The following PARP11 variants were observed in gnomAD, a reference collection of about 807,000 sequenced individuals.
PARP11 encodes the protein poly(ADP-ribose) polymerase family member 11.
PARP11 carries 31 observed loss-of-function variants against 42.9 expected under a neutral mutation model. That is an observed-to-expected ratio of 0.72 (90% CI 0.54 to 0.98). The LOEUF (loss-of-function observed/expected upper bound fraction) is 0.98, where lower values mean the gene tolerates loss of function less well. Ranked by LOEUF, PARP11 falls within the 50% of genes least tolerant of loss-of-function variation. The pLI, the probability that PARP11 is intolerant of heterozygous loss-of-function variation, is 0.00. For synonymous variants in PARP11, 137 were observed against 127.3 expected (o/e 1.08, Z -0.51); for missense variants, 365 against 413.1 (o/e 0.88, Z 1.01).
At chr12:3,826,052 A>G (rs1947514458) in intron 4 of PARP11, 106 bp downstream of exon 4, 2 of 673,356 alleles carry the variant, frequency 3.0e-6, no homozygotes, top group Non-Finnish European at 2.5e-6. Context: ...TTAAAAGATC[A>G]ATATTATTAA....
At position 3,816,250 on chromosome 12, in the gene PARP11, C is replaced by T. The variant is rs1462627293; in HGVS notation, c.549-2062G>A. The stretch of plus-strand genomic sequence containing the variant: ...GTTTTTACCCACTGTTTCAATCTTC[C>T]AAGGTCTTTCTGACTGCTGATTCAC... On this transcript the variant is annotated intron_variant, in intron 6 of 7. Transcript: ENST00000228820. Among the ~76,000 whole-genome samples the T allele has an allele frequency of 3.9e-5, 6 of 152,170 alleles. No individual in the cohort carries two copies. In the East Asian group the frequency reaches 1.2e-3, roughly 29 times the overall value.
intron 1 of PARP11, among the ~76,000 whole-genome samples, chr12:3,854,181 C>G (rs1252664419): frequency 2.0e-5 from 3 of 152,122 alleles, no homozygotes; most frequent in Non-Finnish European, 2.9e-5. Flanking sequence ...CAAGAGAAAG[C>G]AGGAAAGATC....
In PARP11 at chr12:3,840,431, C is replaced by T; in HGVS notation, c.19-10413G>A. 1 of 1,613,356 alleles carries T rather than the reference C, an allele frequency of 6.2e-7. No homozygotes were observed. Among genetic ancestry groups the T allele is most frequent in the Non-Finnish European group, 8.5e-7 (1 of 1,179,234 alleles). On this transcript the variant is annotated intron_variant, in intron 1 of 7. Coordinates refer to ENST00000228820, the MANE Select transcript of PARP11 (RefSeq NM_020367.6). This position sits in a 1 kb window ranked among gnomAD's most constrained non-coding sequence, Gnocchi z 4.4. Reference sequence around the variant, plus strand: ...CCAATAAAAGCCCCATTAGCACTACCTCCTCGACTGCAGCATCCTTCAGGA... The same window carrying T: ...CCAATAAAAGCCCCATTAGCACTACTTCCTCGACTGCAGCATCCTTCAGGA...
intron 1 of PARP11, 31 bp from the exon 2 acceptor site, chr12:3,830,049 AT>A: frequency 1.2e-6 from 2 of 1,601,194 alleles, no homozygotes; most frequent in South Asian, 2.2e-5. Flanking sequence ...GGAGGAAGAA[AT>A]AATTCTATTA....
chr12:3,812,287 C>T lies in PARP11; in HGVS notation c.853G>A (p.Gly285Arg). Reference sequence around the variant, plus strand: ...TTGGAGTCTCCGTTTATGTAATCTCCAATTAGCACTCGAGCAAGAAACATA... The same window carrying T: ...TTGGAGTCTCCGTTTATGTAATCTCTAATTAGCACTCGAGCAAGAAACATA... ...KSMFLARVLI[G>R]DYINGDSKYM... The change falls in exon 8 of 8, where the codon GGA becomes AGA. Residue 285 changes from glycine (G) to arginine (R), a missense_variant. Transcript: ENST00000228820. 1 of 1,614,190 alleles carries T rather than the reference C, an allele frequency of 6.2e-7. No homozygotes were observed. The highest frequency in any genetic ancestry group is 8.5e-7 in the Non-Finnish European group (1 of 1,180,030).
At chr12:3,834,719 C>T (rs73251473) in intron 1 of PARP11, among the ~76,000 whole-genome samples, 1,830 of 150,300 alleles carry the variant, frequency 0.012, 44 homozygotes, top group African/African-American at 0.042. Context: ...CCAATATAAG[C>T]AGAAAGGCAG....
intron 1 of PARP11, among the ~76,000 whole-genome samples, chr12:3,845,155 G>T (rs947470294): frequency 6.6e-6 from 1 of 152,096 alleles, no homozygotes; most frequent in Non-Finnish European, 1.5e-5. Context: ...TTTCCCTTTG[G>T]TGTTGTGTAT....
intron 4 of PARP11, among the ~76,000 whole-genome samples, chr12:3,823,462 A>G (rs1001000178): frequency 6.6e-6 from 1 of 152,170 alleles, no homozygotes; most frequent in African/African-American, 2.4e-5. Context: ...CATAGAGAGC[A>G]TCATTATTCC....
At chr12:3,848,441 T>C (rs1002589251) in intron 1 of PARP11, among the ~76,000 whole-genome samples, 2 of 152,110 alleles carry the variant, frequency 1.3e-5, no homozygotes, top group South Asian at 4.1e-4. Context: ...ATCAGCACGA[T>C]ACTTGCATAA....
At position 3,819,634 on chromosome 12, in the gene PARP11, C is replaced by T. The variant is rs151109323; in HGVS notation, c.548+2239G>A. On this transcript the variant is annotated intron_variant, in intron 6 of 7. Transcript: ENST00000228820. Reference sequence around the variant, plus strand: ...ATTTTTCTAAAATGCAGATCAGATCCATCACTCTCTTGCTTAAAGTTCTAC... The same window carrying T: ...ATTTTTCTAAAATGCAGATCAGATCTATCACTCTCTTGCTTAAAGTTCTAC... Among the ~76,000 whole-genome samples the T allele has an allele frequency of 1.4e-3, 220 of 152,272 alleles. 1 individual carries two copies. The highest frequency in any genetic ancestry group is 5.6e-3 in the East Asian group (29 of 5,184).
intron 1 of PARP11, among the ~76,000 whole-genome samples, chr12:3,856,897 G>A (rs1433425627): frequency 6.6e-6 from 1 of 152,174 alleles, no homozygotes; most frequent in African/African-American, 2.4e-5. Flanking sequence ...ATCAATGATA[G>A]ACTGGATTAA....
intron 1 of PARP11, among the ~76,000 whole-genome samples, chr12:3,845,062 A>G (rs566479686): frequency 1.3e-5 from 2 of 152,326 alleles, no homozygotes; most frequent in East Asian, 3.8e-4. Context: ...TATTATGATC[A>G]TACATATTTT....
Position 3,830,031 on chromosome 12 carries a change from AAGG to A in PARP11, c.19-16_19-14del, listed in dbSNP as rs1254238502. On this transcript the variant is annotated splice_polypyrimidine_tract_variant and intron_variant, in intron 1 of 7. Transcript: ENST00000228820. Reference sequence around the variant, plus strand: ...TGTGAAACATCTCCTGAAAAGCCAGAAGGAGGTGGAGGAAGAAATAATTCTATT... The same window carrying A: ...TGTGAAACATCTCCTGAAAAGCCAGAAGGTGGAGGAAGAAATAATTCTATT... 1.2e-6 allele frequency: 2 copies of A among 1,611,836 alleles called. No individual in the cohort carries two copies. The highest frequency in any genetic ancestry group is 1.7e-6 in the Non-Finnish European group (2 of 1,178,114).
chr12:3,838,949 T>G (rs1337893067), intron 1 of PARP11, among the ~76,000 whole-genome samples: 1 of 151,734 alleles, frequency 6.6e-6, no homozygotes, highest in South Asian at 2.1e-4. Flanking sequence ...AGGAAACTTG[T>G]GGGGGCGGCG....
intron 6 of PARP11, among the ~76,000 whole-genome samples, chr12:3,816,321 AGTGTG>A (rs1399126395): frequency 6.6e-6 from 1 of 152,212 alleles, no homozygotes; most frequent in Non-Finnish European, 1.5e-5. Flanking sequence ...ATCCCTCACA[AGTGTG>A]ATAAGCAAGC....
intron 1 of PARP11, among the ~76,000 whole-genome samples, chr12:3,866,001 C>T (rs1287433881): frequency 6.6e-6 from 1 of 151,254 alleles, no homozygotes; most frequent in African/African-American, 2.4e-5. Context: ...TTAACTGTAA[C>T]TCTTTGTCTA....
chr12:3,850,769 CAG>C (rs920009790), intron 1 of PARP11, among the ~76,000 whole-genome samples: 3 of 152,064 alleles, frequency 2.0e-5, no homozygotes, highest in African/African-American at 7.2e-5. Flanking sequence ...ATCTACAAAA[CAG>C]AAAGTCAAGC....
rs1031810730 is a variant in PARP11, at chr12:3,810,924, C to T, written c.*1199G>A. The T allele has an allele frequency of 2.6e-5, 4 of 152,222 alleles. No individual in the cohort carries two copies. Among genetic ancestry groups the T allele is most frequent in the African/African-American group, 4.8e-5 (2 of 41,442 alleles). 9.4% of individuals were successfully genotyped at this position (152,222 alleles called of 1,614,324 possible). On this transcript the variant is annotated 3_prime_UTR_variant, in exon 8 of 8. Coordinates refer to ENST00000228820, the MANE Select transcript of PARP11 (RefSeq NM_020367.6). ...CACATGGGCAATTCCCCATCTGGTA[C>T]TTAACTCCTATGCAACATGCCCGCC...
intron 2 of PARP11, among the ~76,000 whole-genome samples, chr12:3,829,586 G>A (rs753829567): frequency 3.3e-5 from 5 of 152,152 alleles, no homozygotes; most frequent in African/African-American, 9.7e-5. Flanking sequence ...TGTTTAATAC[G>A]GATTTGTTCT....
Sources: allele counts gnomAD v4.1 joint callset (sites outside exome capture counted in the v4.1 genomes callset), GRCh38; gene constraint gnomAD v4.1.1; non-coding constraint Gnocchi (gnomAD v3.1); transcripts MANE v1.5; gene names NCBI Gene and HGNC (gene_info 2026-07-23, HGNC 2026-07-21).